The following SEPTIN9 variants were observed in gnomAD, a reference collection of about 807,000 sequenced individuals.
SEPTIN9 encodes septin 9.
A neutral mutation model predicts 56.6 loss-of-function variants in SEPTIN9; 13 were observed. The ratio of observed to expected loss-of-function variants is 0.23; its 90% CI spans 0.15 to 0.37. The LOEUF (loss-of-function observed/expected upper bound fraction) is 0.37, where lower values mean the gene tolerates loss of function less well. SEPTIN9 is among the 10% of genes least tolerant of loss of function. The pLI, the probability that SEPTIN9 is intolerant of heterozygous loss-of-function variation, is 1.00. For missense variants in SEPTIN9, 650 were observed against 823.1 expected (o/e 0.79, Z 2.57); for synonymous variants, 332 against 334.1 (o/e 0.99, Z 0.07).
chr17:77,464,303 C>T (rs755275991), intron 3 of SEPTIN9, among the ~76,000 whole-genome samples: 2 of 152,094 alleles, frequency 1.3e-5, no homozygotes, highest in Non-Finnish European at 2.9e-5. Flanking sequence ...GTCTCGAACC[C>T]CTGACCTCAA....
intron 1 of SEPTIN9, among the ~76,000 whole-genome samples, chr17:77,292,116 T>A (rs2143519211): frequency 6.6e-6 from 1 of 152,272 alleles, no homozygotes; most frequent in African/African-American, 2.4e-5. Flanking sequence ...GACGCATCTG[T>A]ACCCCCGGAG....
At position 77,430,546 on chromosome 17, in the gene SEPTIN9, G is replaced by A. The variant is rs538247373; in HGVS notation, c.721+27843G>A. 1.3e-5 allele frequency among the ~76,000 whole-genome samples: 2 copies of A among 152,264 alleles called. 1 individual carries two copies. The highest frequency in any genetic ancestry group is 4.8e-5 in the African/African-American group (2 of 41,568). ...CGCAGAGCAGCCATCACGCATTCCC[G>A]ATCTTGGTTTCTGGACCCAGCTCTG... On this transcript the variant is annotated intron_variant, in intron 3 of 11. Coordinates refer to ENST00000427177, the MANE Select transcript of SEPTIN9 (RefSeq NM_001113491.2).
intron 1 of SEPTIN9, among the ~76,000 whole-genome samples, chr17:77,284,374 T>G (rs975978086): frequency 6.6e-6 from 1 of 152,250 alleles, no homozygotes; most frequent in South Asian, 2.1e-4. Flanking sequence ...AGGGGGACAC[T>G]GGGGACAGGT....
At chr17:77,457,097 G>A (rs985543375) in intron 3 of SEPTIN9, among the ~76,000 whole-genome samples, 2 of 152,200 alleles carry the variant, frequency 1.3e-5, no homozygotes, top group African/African-American at 4.8e-5. Flanking sequence ...TGCCCCCGGG[G>A]CTGTGTGCCT....
intron 3 of SEPTIN9, among the ~76,000 whole-genome samples, chr17:77,441,729 G>A (rs1386506524): frequency 1.3e-5 from 2 of 152,130 alleles, no homozygotes; most frequent in Non-Finnish European, 2.9e-5. Context: ...TACTCCCCAG[G>A]GCAGTGAACA....
At chr17:77,444,943 T>C (rs1379752644) in intron 3 of SEPTIN9, 1 of 365,068 alleles carries the variant, frequency 2.7e-6, no homozygotes, top group Non-Finnish European at 5.7e-6. Flanking sequence ...GGTTTGCTTG[T>C]TTTTGAGATT....
rs939274606 is a variant in SEPTIN9 at position 77,445,161 on chromosome 17, G to GT, written c.722-36982dup. The GT allele has an allele frequency of 1.1e-5, 5 of 470,718 alleles. No homozygotes were observed. The highest frequency in any genetic ancestry group is 2.0e-5 in the African/African-American group (1 of 50,092). The allele number at this position is 470,718 out of a possible 1,614,324, so 29.2% of individuals were successfully genotyped here. On this transcript the variant is annotated intron_variant, in intron 3 of 11. Coordinates refer to ENST00000427177, the MANE Select transcript of SEPTIN9 (RefSeq NM_001113491.2). The surrounding 1 kb of genome is among the most constrained non-coding windows in gnomAD (Gnocchi z 4.7). ...TGCCAACCCAAGGGTGGCAGGAGCT[G>GT]TGGGTGCTCCCAGCCCCTTCTCAAG... is the stretch of plus-strand genomic sequence containing the variant.
chr17:77,319,415 A>C lies in SEPTIN9; in HGVS notation c.76+12218A>C, dbSNP rs370913831. ...CGGAGAGGAAGACTCGCTCCCTCCC[A>C]GGGGACGGCTAGAGACTCACTGACT... On this transcript the variant is annotated intron_variant, in intron 2 of 11. Transcript: ENST00000427177. The surrounding 1 kb of genome is among the most constrained non-coding windows in gnomAD (Gnocchi z 5.3). 1.5e-5 allele frequency: 6 copies of C among 411,578 alleles called. No homozygotes were observed. The East Asian group carries it at 3.3e-4, about 23-fold the overall frequency. The allele number at this position is 411,578 out of a possible 1,614,324, so 25.5% of individuals were successfully genotyped here.
chr17:77,283,023 C>T (rs565055704), intron 1 of SEPTIN9, among the ~76,000 whole-genome samples: 8 of 152,280 alleles, frequency 5.3e-5, no homozygotes, highest in Admixed American at 1.3e-4. Flanking sequence ...TGCGGAGACC[C>T]TCCTGCACAG....
Position 77,453,605 on chromosome 17 carries a change from CAAA to C in SEPTIN9, c.722-28524_722-28522del, listed in dbSNP as rs35634675. Among the ~76,000 whole-genome samples, 5 of 81,134 alleles carry C rather than the reference CAAA, an allele frequency of 6.2e-5. No homozygotes were observed. The highest frequency in any genetic ancestry group is 5.4e-5 in the Non-Finnish European group (2 of 37,154). The allele number at this position is 81,134 out of a possible 152,430, so 53.2% of individuals were successfully genotyped here. On this transcript the variant is annotated intron_variant, in intron 3 of 11. Coordinates refer to ENST00000427177, the MANE Select transcript of SEPTIN9 (RefSeq NM_001113491.2). This position sits in a 1 kb window ranked among gnomAD's most constrained non-coding sequence, Gnocchi z 4.4. ...GGGCAACAAGAGTGAAACTCTGTCTCAAAAAAAAAAAAAAAAAGCCTTATCTGG... is the reference window on the plus strand; with the variant it reads ...GGGCAACAAGAGTGAAACTCTGTCTCAAAAAAAAAAAAAAGCCTTATCTGG...
At position 77,387,658 on chromosome 17, in the gene SEPTIN9, C is replaced by T. The variant is rs549343468; in HGVS notation, c.77-14401C>T. Among the ~76,000 whole-genome samples the T allele has an allele frequency of 2.0e-5, 3 of 152,202 alleles. No homozygotes were observed. The South Asian group carries it at 6.2e-4, about 32-fold the overall frequency. On this transcript the variant is annotated intron_variant, in intron 2 of 11. Transcript: ENST00000427177. ...TTCTCATCTCAGGTCCTCTGAATGGCGGCTGCTTCTGAGGAGACCCTTTCC... is the reference window on the plus strand; with the variant it reads ...TTCTCATCTCAGGTCCTCTGAATGGTGGCTGCTTCTGAGGAGACCCTTTCC...
chr17:77,352,534 A>G (rs770032678), intron 2 of SEPTIN9, among the ~76,000 whole-genome samples: 17 of 152,214 alleles, frequency 1.1e-4, no homozygotes, highest in Non-Finnish European at 2.2e-4. Context: ...AGACTGTCCC[A>G]TGCCTTTCTC....
chr17:77,408,505 G>C (rs899351382), intron 3 of SEPTIN9, among the ~76,000 whole-genome samples: 1 of 152,212 alleles, frequency 6.6e-6, no homozygotes, highest in East Asian at 1.9e-4. Flanking sequence ...GCACCGGGCC[G>C]TGTGTTCCAG....
chr17:77,454,990 G>T (rs1458227165), intron 3 of SEPTIN9, among the ~76,000 whole-genome samples: 8 of 152,138 alleles, frequency 5.3e-5, no homozygotes, highest in Non-Finnish European at 1.2e-4. Flanking sequence ...AGTGGCAGAG[G>T]TGATGGCCCA....
At chr17:77,461,791 T>C (rs2038488861) in intron 3 of SEPTIN9, among the ~76,000 whole-genome samples, 1 of 152,224 alleles carries the variant, frequency 6.6e-6, no homozygotes, top group South Asian at 2.1e-4. Context: ...AGTGCCAAGA[T>C]TGGCAGAGTA....
At chr17:77,394,678 T>C (rs968871681) in intron 2 of SEPTIN9, among the ~76,000 whole-genome samples, 1 of 152,150 alleles carries the variant, frequency 6.6e-6, no homozygotes, top group Admixed American at 6.5e-5. Context: ...GCTCGCTTGG[T>C]GTTCCCTCCC....
At chr17:77,381,968 G>A (rs1017236425) in intron 2 of SEPTIN9, among the ~76,000 whole-genome samples, 1 of 152,150 alleles carries the variant, frequency 6.6e-6, no homozygotes, top group Non-Finnish European at 1.5e-5. Flanking sequence ...GTAGGAGTTT[G>A]CCAGGCAGGT....
chr17:77,364,144 T>C (rs1346642012), intron 2 of SEPTIN9, among the ~76,000 whole-genome samples: 1 of 152,152 alleles, frequency 6.6e-6, no homozygotes, highest in Non-Finnish European at 1.5e-5. Flanking sequence ...GATTTCATTA[T>C]CTGGGGAAAG....
chr17:77,499,003 G>A lies in SEPTIN9; in HGVS notation c.*345G>A, dbSNP rs1359809356. ...CCGTCTGTGTGGGGTTCTCAGTGCC[G>A]GAGGCCTTGGGGTGGGGGCCAGGCC... On this transcript the variant is annotated 3_prime_UTR_variant, in exon 12 of 12. Transcript: ENST00000427177. 7 of 539,854 alleles carry A rather than the reference G, an allele frequency of 1.3e-5. No homozygotes were observed. The highest frequency in any genetic ancestry group is 3.9e-5 in the East Asian group (1 of 25,808). 33.4% of individuals were successfully genotyped at this position (539,854 alleles called of 1,614,324 possible). A position where few individuals can be genotyped will look rare whatever the true frequency, so the allele number is the denominator to read the frequency against.
Sources: gnomAD v4.1 joint callset for allele counts (sites outside exome capture counted in the v4.1 genomes callset) on GRCh38, gnomAD v4.1.1 for gene constraint, Gnocchi (gnomAD v3.1) non-coding constraint, MANE v1.5 for transcripts, NCBI Gene and HGNC (gene_info 2026-07-23, HGNC 2026-07-21) for gene names.